Variants in PTPRD observed in about 807,000 individuals in gnomAD.
PTPRD encodes protein tyrosine phosphatase receptor type D, also known as receptor-type tyrosine-protein phosphatase delta.
PTPRD carries 34 observed loss-of-function variants against 214.5 expected under a neutral mutation model. That is an observed-to-expected ratio of 0.16 (90% CI 0.12 to 0.21). The LOEUF (loss-of-function observed/expected upper bound fraction) is 0.21, where lower values mean the gene tolerates loss of function less well. PTPRD is among the 10% of genes least tolerant of loss of function. The pLI is 1.00. For synonymous variants in PTPRD, 1,128 were observed against 845.7 expected (o/e 1.33, Z -5.79); for missense variants, 2,545 against 2,398.7 (o/e 1.06, Z -1.27).
At chr9:10,191,743 C>G (rs2099364481) in intron 3 of PTPRD, among the ~76,000 whole-genome samples, 1 of 152,152 alleles carries the variant, frequency 6.6e-6, no homozygotes, top group Admixed American at 6.5e-5. Flanking sequence ...CAGTGACTTC[C>G]TCAGTGTTCT....
chr9:8,475,836 T>C (rs2096752814), intron 30 of PTPRD, among the ~76,000 whole-genome samples: 1 of 152,186 alleles, frequency 6.6e-6, no homozygotes, highest in Non-Finnish European at 1.5e-5. Flanking sequence ...TCTGGCCTCA[T>C]TCCATGTCTT....
At chr9:8,620,401 G>C (rs757944836) in intron 14 of PTPRD, among the ~76,000 whole-genome samples, 6 of 152,024 alleles carry the variant, frequency 3.9e-5, no homozygotes, top group Non-Finnish European at 8.8e-5. Flanking sequence ...AAATTCATTT[G>C]TTGAATTTTA....
At chr9:9,540,896 T>C (rs1368823605) in intron 8 of PTPRD, among the ~76,000 whole-genome samples, 1 of 151,774 alleles carries the variant, frequency 6.6e-6, no homozygotes, top group Non-Finnish European at 1.5e-5. Context: ...TGCCATAAAT[T>C]TTTGTTCCTA....
chr9:9,159,427 C>G (rs1346578333), intron 10 of PTPRD, among the ~76,000 whole-genome samples: 1 of 151,636 alleles, frequency 6.6e-6, no homozygotes, highest in Non-Finnish European at 1.5e-5. Context: ...AATGAACTAT[C>G]CAAAAAAATT....
At chr9:9,234,026 G>T (rs962781472) in intron 9 of PTPRD, among the ~76,000 whole-genome samples, 3 of 152,122 alleles carry the variant, frequency 2.0e-5, no homozygotes, top group African/African-American at 7.2e-5. Context: ...TGGGGACTCT[G>T]TGTGGGGGCT....
chr9:8,681,352 G>GA lies in PTPRD; in HGVS notation c.65-44509dup, dbSNP rs887915311. Among the ~76,000 whole-genome samples, 23 of 150,738 alleles carry GA rather than the reference G, an allele frequency of 1.5e-4. No homozygotes were observed. The East Asian group carries it at 1.9e-3, about 13-fold the overall frequency. Reference sequence around the variant, plus strand: ...AACTGAGAGAACTATAGCTAGCGAAGAAAAAAAAAGAAAGAAAAAGAGAGG... The same window carrying GA: ...AACTGAGAGAACTATAGCTAGCGAAGAAAAAAAAAAGAAAGAAAAAGAGAGG... On this transcript the variant is annotated intron_variant, in intron 12 of 45. Transcript: ENST00000381196.
intron 12 of PTPRD, among the ~76,000 whole-genome samples, chr9:8,658,840 C>A (rs570411241): frequency 6.6e-6 from 1 of 151,920 alleles, no homozygotes; most frequent in African/African-American, 2.4e-5. Context: ...TTCCTTGATA[C>A]GGAATCCCTG....
At chr9:8,946,621 G>T (rs970952352) in intron 11 of PTPRD, among the ~76,000 whole-genome samples, 1 of 152,078 alleles carries the variant, frequency 6.6e-6, no homozygotes, top group Non-Finnish European at 1.5e-5. Context: ...ACTGCTAATG[G>T]GGGATTCTTC....
At chr9:8,400,830 C>T (rs769033973) in intron 36 of PTPRD, among the ~76,000 whole-genome samples, 2 of 152,156 alleles carry the variant, frequency 1.3e-5, no homozygotes, top group African/African-American at 4.8e-5. Flanking sequence ...TGCCGCTTCA[C>T]TAGACTGTTG....
chr9:10,157,271 G>T (rs535973021), intron 3 of PTPRD, among the ~76,000 whole-genome samples: 1 of 152,150 alleles, frequency 6.6e-6, no homozygotes. Flanking sequence ...ATTGATAAAG[G>T]TCTTTCCTTT....
chr9:10,556,961 T>A (rs552651172), intron 2 of PTPRD, among the ~76,000 whole-genome samples: 5 of 152,242 alleles, frequency 3.3e-5, no homozygotes, highest in African/African-American at 1.2e-4. Flanking sequence ...ATCAGTTAAA[T>A]AGCAGACATC....
intron 4 of PTPRD, among the ~76,000 whole-genome samples, chr9:9,983,110 A>T (rs2095600151): frequency 6.6e-6 from 1 of 152,148 alleles, no homozygotes; most frequent in Non-Finnish European, 1.5e-5. Context: ...GCTAGGGTAC[A>T]GATAGGTGAT....
At chr9:8,971,260 A>C (rs2099236457) in intron 11 of PTPRD, among the ~76,000 whole-genome samples, 1 of 151,842 alleles carries the variant, frequency 6.6e-6, no homozygotes, top group Non-Finnish European at 1.5e-5. Context: ...TTTACTGAAT[A>C]TCATGAGCCA....
intron 12 of PTPRD, among the ~76,000 whole-genome samples, chr9:8,711,872 C>T (rs2098340862): frequency 6.6e-6 from 1 of 152,152 alleles, no homozygotes; most frequent in South Asian, 2.1e-4. Flanking sequence ...TAATGCTACG[C>T]AAGCAATGAT....
At chr9:8,727,068 C>T (rs1268969906) in intron 12 of PTPRD, among the ~76,000 whole-genome samples, 1 of 152,030 alleles carries the variant, frequency 6.6e-6, no homozygotes, top group Non-Finnish European at 1.5e-5. Flanking sequence ...GGGAATAAAA[C>T]CAGGAGATCA....
At chr9:9,087,238 A>AAATCTTTGGT (rs2099768384) in intron 10 of PTPRD, among the ~76,000 whole-genome samples, 1 of 152,174 alleles carries the variant, frequency 6.6e-6, no homozygotes, top group African/African-American at 2.4e-5. Context: ...CCCAGTTACC[A>AAATCTTTGGT]AAGCAGAGAT....
At chr9:8,920,967 C>G (rs1197539849) in intron 11 of PTPRD, among the ~76,000 whole-genome samples, 1 of 152,156 alleles carries the variant, frequency 6.6e-6, no homozygotes, top group Admixed American at 6.5e-5. Context: ...ACGCACGCCC[C>G]CACGCCAGGC....
At chr9:10,233,940 T>C (rs915137779) in intron 3 of PTPRD, among the ~76,000 whole-genome samples, 5 of 151,916 alleles carry the variant, frequency 3.3e-5, no homozygotes, top group Admixed American at 3.3e-4. Flanking sequence ...TGCATTCTTC[T>C]AATTTCCCTT....
intron 27 of PTPRD, among the ~76,000 whole-genome samples, chr9:8,490,884 C>A (rs145197311): frequency 9.2e-5 from 14 of 152,268 alleles, no homozygotes; most frequent in African/African-American, 3.4e-4. Context: ...TTCCTGAATT[C>A]TTTGTGGGAG....
Sources: allele counts gnomAD v4.1 joint callset (sites outside exome capture counted in the v4.1 genomes callset), GRCh38; gene constraint gnomAD v4.1.1; transcripts MANE v1.5; gene names NCBI Gene and HGNC (gene_info 2026-07-23, HGNC 2026-07-21).